The following CCDC12 variants were observed in gnomAD, a reference collection of about 807,000 sequenced individuals.
CCDC12 encodes coiled-coil domain containing 12, also known as coiled-coil domain-containing protein 12.
CCDC12 carries 28 observed loss-of-function variants against 25.7 expected under a neutral mutation model. That is an observed-to-expected ratio of 1.09 (90% CI 0.81 to 1.50). The LOEUF is 1.50. Among genes scored for constraint, CCDC12 ranks in the 40% most tolerant of loss-of-function variants. The pLI, the probability that CCDC12 is intolerant of heterozygous loss-of-function variation, is 0.00. For missense variants in CCDC12, 198 were observed against 210.0 expected (o/e 0.94, Z 0.35); for synonymous variants, 75 against 87.7 (o/e 0.86, Z 0.81).
chr3:46,937,003 G>A (rs1484434418), intron 2 of CCDC12, among the ~76,000 whole-genome samples: 2 of 152,176 alleles, frequency 1.3e-5, no homozygotes, highest in Non-Finnish European at 2.9e-5. Context: ...AGGAAGAGGA[G>A]GGCGCCCCCT....
rs76008510 is a variant in CCDC12, at chr3:46,945,553, C to T, written c.97-4488G>A. Among the ~76,000 whole-genome samples, 582 of 152,352 alleles carry T rather than the reference C, an allele frequency of 3.8e-3. 4 individuals are homozygous for T. The highest frequency in any genetic ancestry group is 0.013 in the African/African-American group (555 of 41,584). On this transcript the variant is annotated intron_variant, in intron 1 of 6. Coordinates refer to ENST00000683445, the MANE Select transcript of CCDC12 (RefSeq NM_001277074.2). ...GACCTGTTTCCTAATGTTTGAAATC[C>T]TTTTTATCAGGGACAAAACTGTTAC... is the stretch of plus-strand genomic sequence containing the variant.
intron 2 of CCDC12, among the ~76,000 whole-genome samples, chr3:46,934,875 C>T (rs1173178803): frequency 6.6e-6 from 1 of 152,218 alleles, no homozygotes; most frequent in Non-Finnish European, 1.5e-5. Context: ...TGATGGGAGC[C>T]GCCCTGGTCG....
In CCDC12 at chr3:46,941,291, G is replaced by A. The variant is rs1161767083; in HGVS notation, c.97-226C>T. Reference sequence around the variant, plus strand: ...AAATCCATAACTCTTGGCTGGGCGCGGTGGCTCATGCCTGTAATCCCAGCA... The same window carrying A: ...AAATCCATAACTCTTGGCTGGGCGCAGTGGCTCATGCCTGTAATCCCAGCA... On this transcript the variant is annotated intron_variant, in intron 1 of 6. Transcript: ENST00000683445. Among the ~76,000 whole-genome samples, 4 of 152,290 alleles carry A rather than the reference G, an allele frequency of 2.6e-5. No individual in the cohort carries two copies. The South Asian group carries it at 6.2e-4, about 24-fold the overall frequency.
intron 2 of CCDC12, among the ~76,000 whole-genome samples, chr3:46,932,968 C>T (rs936052425): frequency 6.6e-6 from 1 of 152,248 alleles, no homozygotes; most frequent in African/African-American, 2.4e-5. Context: ...AATCCACACC[C>T]TGCTCTCTGG....
Position 46,943,405 on chromosome 3 carries a change from G to A in CCDC12, c.97-2340C>T, listed in dbSNP as rs116131716. 5.1e-3 allele frequency among the ~76,000 whole-genome samples: 780 copies of A among 152,336 alleles called. 6 individuals carry two copies. The highest frequency in any genetic ancestry group is 0.018 in the African/African-American group (747 of 41,570). On this transcript the variant is annotated intron_variant, in intron 1 of 6. Coordinates refer to ENST00000683445, the MANE Select transcript of CCDC12 (RefSeq NM_001277074.2). ...GCCTACCTCAGGGGAAGGAGCGGCA[G>A]ACACCTGCCCTGGGTAAGGGCAGAG...
intron 2 of CCDC12, among the ~76,000 whole-genome samples, chr3:46,931,737 A>G (rs1172686486): frequency 6.6e-6 from 1 of 152,198 alleles, no homozygotes; most frequent in East Asian, 1.9e-4. Context: ...CAGAGAGAGA[A>G]CTGCTGTGAG....
intron 1 of CCDC12, among the ~76,000 whole-genome samples, chr3:46,945,538 C>T (rs1304697172): frequency 6.6e-6 from 1 of 152,250 alleles, no homozygotes; most frequent in Non-Finnish European, 1.5e-5. Context: ...GACCTGTTTC[C>T]TAATGTTTGA....
chr3:46,976,211 C>G (rs2034982173), intron 1 of CCDC12: 1 of 679,604 alleles, frequency 1.5e-6, no homozygotes, highest in African/African-American at 1.9e-5. Context: ...CTGCCCTGTC[C>G]AAGGAGTGCT....
intron 2 of CCDC12, chr3:46,940,723 T>G: frequency 2.2e-6 from 1 of 464,550 alleles, no homozygotes; most frequent in Non-Finnish European, 3.9e-6. Flanking sequence ...AAAAGGTGTA[T>G]GAGAAGGGTA....
chr3:46,954,986 G>A (rs2034242669), intron 1 of CCDC12, among the ~76,000 whole-genome samples: 1 of 152,138 alleles, frequency 6.6e-6, no homozygotes, highest in African/African-American at 2.4e-5. Flanking sequence ...CAGTGTTCCT[G>A]GTATCCACGT....
At chr3:46,956,328 C>G (rs756394814) in intron 1 of CCDC12, among the ~76,000 whole-genome samples, 2 of 152,214 alleles carry the variant, frequency 1.3e-5, no homozygotes, top group Non-Finnish European at 2.9e-5. Context: ...AAGAGCCCAC[C>G]TACTCCTGGG....
intron 2 of CCDC12, among the ~76,000 whole-genome samples, chr3:46,930,026 C>A: frequency 1.2e-5 from 1 of 82,746 alleles, no homozygotes; most frequent in Non-Finnish European, 2.3e-5. Context: ...AGCAAGACCC[C>A]ATCTCAAAAA....
chr3:46,978,528 T>C (rs1370215396), upstream of CCDC12, among the ~76,000 whole-genome samples: 2 of 133,474 alleles, frequency 1.5e-5, no homozygotes, highest in Admixed American at 1.5e-4. Flanking sequence ...CATCACCCCG[T>C]GCCCCTTTCC....
chr3:46,935,280 G>C (rs1288942729), intron 2 of CCDC12, among the ~76,000 whole-genome samples: 2 of 152,178 alleles, frequency 1.3e-5, no homozygotes, highest in African/African-American at 4.8e-5. Context: ...TGGAGGTTGG[G>C]AGGTCGGGAC....
chr3:46,930,442 C>T (rs145864446), intron 2 of CCDC12, among the ~76,000 whole-genome samples: 8 of 152,336 alleles, frequency 5.3e-5, no homozygotes, highest in African/African-American at 1.9e-4. Context: ...TTTTTTGGGG[C>T]TTTCTGCCCC....
intron 1 of CCDC12, among the ~76,000 whole-genome samples, chr3:46,955,920 G>T (rs939495415): frequency 6.6e-6 from 1 of 152,176 alleles, no homozygotes; most frequent in African/African-American, 2.4e-5. Flanking sequence ...GCACACCAGG[G>T]CCTCTGGCCC....
chr3:46,947,174 G>T lies in CCDC12; in HGVS notation c.97-6109C>A, dbSNP rs897832991. 2.6e-5 allele frequency among the ~76,000 whole-genome samples: 4 copies of T among 152,288 alleles called. No individual in the cohort carries two copies. The East Asian group carries it at 5.8e-4, about 22-fold the overall frequency. On this transcript the variant is annotated intron_variant, in intron 1 of 6. Transcript: ENST00000683445. ...GAGAAAATAAGACCTCGAAATCCTA[G>T]CCCCCTAAGAAGAGGCCAAACTGGC...
chr3:46,926,374 C>T (rs1276015155), intron 2 of CCDC12, among the ~76,000 whole-genome samples: 1 of 152,214 alleles, frequency 6.6e-6, no homozygotes, highest in Non-Finnish European at 1.5e-5. Flanking sequence ...CCACAGTCCA[C>T]CAGGACAGCA....
At chr3:46,929,719 A>C (rs990586210) in intron 2 of CCDC12, among the ~76,000 whole-genome samples, 1 of 152,284 alleles carries the variant, frequency 6.6e-6, no homozygotes, top group Middle Eastern at 3.4e-3. Flanking sequence ...TCTAGGACTG[A>C]CTTTTTTTCA....
Sources: gnomAD v4.1 joint callset for allele counts (sites outside exome capture counted in the v4.1 genomes callset) on GRCh38, gnomAD v4.1.1 for gene constraint, MANE v1.5 for transcripts, NCBI Gene and HGNC (gene_info 2026-07-23, HGNC 2026-07-21) for gene names.